Variants in MGAT5 observed in about 807,000 individuals in gnomAD.
MGAT5 encodes the protein alpha-1,6-mannosylglycoprotein 6-beta-N-acetylglucosaminyltransferase A.
In MGAT5, 30 loss-of-function variants were observed where a neutral mutation model predicts 94.3. That is an observed-to-expected ratio of 0.32 (90% CI 0.24 to 0.43). The LOEUF (loss-of-function observed/expected upper bound fraction) is 0.43. Ranked by LOEUF, MGAT5 falls within the 20% of genes least tolerant of loss-of-function variation. The pLI is 1.00. For synonymous variants in MGAT5, 310 were observed against 322.9 expected (o/e 0.96, Z 0.43); for missense variants, 691 against 905.5 (o/e 0.76, Z 3.04).
At position 134,449,072 on chromosome 2, in the gene MGAT5, C is replaced by T. The variant is rs1191117903; in HGVS notation, c.*225C>T. The T allele has an allele frequency of 1.8e-6, 1 of 566,970 alleles. No homozygotes were observed. Among genetic ancestry groups the T allele is most frequent in the Non-Finnish European group, 3.2e-6 (1 of 317,098 alleles). 35.1% of individuals were successfully genotyped at this position (566,970 alleles called of 1,614,324 possible). ...GTCAGGCCAGGAGCCTGGCTTGTCC[C>T]TGGCACAACATCATTTCTGTTTCTC... On this transcript the variant is annotated 3_prime_UTR_variant, in exon 16 of 16. Transcript: ENST00000281923.
chr2:134,187,675 TATGTCCCGAG>T (rs1342454474), intron 1 of MGAT5, among the ~76,000 whole-genome samples: 5 of 152,242 alleles, frequency 3.3e-5, no homozygotes, highest in African/African-American at 7.2e-5. Flanking sequence ...ACTTTGTTGC[TATGTCCCGAG>T]TGTCTAGAAT....
chr2:134,188,560 A>C (rs1689160727), intron 1 of MGAT5, among the ~76,000 whole-genome samples: 1 of 152,244 alleles, frequency 6.6e-6, no homozygotes, highest in Non-Finnish European at 1.5e-5. Flanking sequence ...AAAAGGAAGA[A>C]GATTGTTGGT....
chr2:134,276,902 C>T (rs1417938120), intron 2 of MGAT5, among the ~76,000 whole-genome samples: 4 of 152,066 alleles, frequency 2.6e-5, no homozygotes, highest in African/African-American at 9.7e-5. Flanking sequence ...ACGGACAGAC[C>T]GTGGGACAGG....
chr2:134,139,504 C>G (rs565006774), intron 1 of MGAT5, among the ~76,000 whole-genome samples: 1 of 152,278 alleles, frequency 6.6e-6, no homozygotes, highest in African/African-American at 2.4e-5. Context: ...TTGTGACAAG[C>G]CTTTGTACCT....
chr2:134,308,740 T>A (rs1449728799), intron 2 of MGAT5, among the ~76,000 whole-genome samples: 1 of 152,190 alleles, frequency 6.6e-6, no homozygotes, highest in African/African-American at 2.4e-5. Context: ...AGTGTTTGAT[T>A]TGAGGCTTTT....
At chr2:134,209,294 G>T (rs1466464601) in intron 1 of MGAT5, among the ~76,000 whole-genome samples, 1 of 48,158 alleles carries the variant, frequency 2.1e-5, no homozygotes, top group Non-Finnish European at 3.1e-5. Flanking sequence ...ACCCACTAAC[G>T]TGTCATCTAG....
chr2:134,440,231 A>G (rs1187449076), intron 14 of MGAT5, among the ~76,000 whole-genome samples: 1 of 152,158 alleles, frequency 6.6e-6, no homozygotes, highest in African/African-American at 2.4e-5. Context: ...ATCCTATCAC[A>G]TGCTACTTAG....
intron 1 of MGAT5, among the ~76,000 whole-genome samples, chr2:134,131,157 G>C (rs1482929990): frequency 6.6e-6 from 1 of 152,218 alleles, no homozygotes; most frequent in East Asian, 1.9e-4. Flanking sequence ...AGGCCAGCGA[G>C]CTCACAAACC....
intron 10 of MGAT5, among the ~76,000 whole-genome samples, chr2:134,379,753 G>C (rs1573964646): frequency 6.6e-6 from 1 of 152,212 alleles, no homozygotes; most frequent in Non-Finnish European, 1.5e-5. Context: ...AAATGTGAAC[G>C]TTTGGATGGA....
At position 134,288,515 on chromosome 2, in the gene MGAT5, T is replaced by TA. The variant is rs879623551; in HGVS notation, c.406+17981dup. ...CTAGAATATTTACCATCTAGCTCTT[T>TA]AAAAAAAAAAAAAAAATTCAACCCC... is the stretch of plus-strand genomic sequence containing the variant. On this transcript the variant is annotated intron_variant, in intron 2 of 15. Coordinates refer to ENST00000281923, the MANE Select transcript of MGAT5 (RefSeq NM_002410.5). Among the ~76,000 whole-genome samples the TA allele has an allele frequency of 1.8e-3, 263 of 143,310 alleles. 1 individual carries two copies. The highest frequency in any genetic ancestry group is 3.6e-3 in the Middle Eastern group (1 of 278). The allele number at this position is 143,310 out of a possible 152,430, so 94.0% of individuals were successfully genotyped here. A position where few individuals can be genotyped will look rare whatever the true frequency, so the allele number is the denominator to read the frequency against.
intron 1 of MGAT5, among the ~76,000 whole-genome samples, chr2:134,158,695 G>C (rs141972019): frequency 6.6e-6 from 1 of 152,174 alleles, no homozygotes; most frequent in Non-Finnish European, 1.5e-5. Flanking sequence ...CCCGTCTCCC[G>C]CTGGCTGCCC....
chr2:134,403,500 C>A (rs919223842), intron 11 of MGAT5, among the ~76,000 whole-genome samples: 5 of 152,172 alleles, frequency 3.3e-5, no homozygotes, highest in Non-Finnish European at 5.9e-5. Flanking sequence ...TTCCCCCAAC[C>A]CAATCATCAC....
chr2:134,130,634 AG>A (rs900682680), intron 1 of MGAT5, among the ~76,000 whole-genome samples: 1 of 151,722 alleles, frequency 6.6e-6, no homozygotes, highest in African/African-American at 2.4e-5. Context: ...GTCTAGCTAG[AG>A]GGTTGTAAAT....
intron 10 of MGAT5, among the ~76,000 whole-genome samples, chr2:134,366,724 G>C (rs1406601462): frequency 6.6e-6 from 1 of 152,234 alleles, no homozygotes; most frequent in East Asian, 1.9e-4. Flanking sequence ...TTTCTCACAA[G>C]CATCCAGGTG....
intron 1 of MGAT5, among the ~76,000 whole-genome samples, chr2:134,230,827 C>CACAA (rs34441934): frequency 1.6e-4 from 2 of 12,596 alleles, no homozygotes; most frequent in Non-Finnish European, 4.2e-4. Flanking sequence ...GGAATGAAAA[C>CACAA]ACACACACAC....
intron 11 of MGAT5, among the ~76,000 whole-genome samples, chr2:134,404,917 G>A (rs1455541586): frequency 2.6e-5 from 4 of 152,118 alleles, no homozygotes; most frequent in Non-Finnish European, 5.9e-5. Context: ...CCCTTTAATG[G>A]CAGTGCTGTT....
At chr2:134,411,268 C>A (rs1683640305) in intron 11 of MGAT5, among the ~76,000 whole-genome samples, 1 of 152,078 alleles carries the variant, frequency 6.6e-6, no homozygotes, top group African/African-American at 2.4e-5. Flanking sequence ...TCCCTTTATC[C>A]TACAGCTTCC....
chr2:134,275,852 T>C (rs573645140), intron 2 of MGAT5, among the ~76,000 whole-genome samples: 5 of 152,038 alleles, frequency 3.3e-5, no homozygotes, highest in Non-Finnish European at 7.4e-5. Context: ...CCTCCCAAAG[T>C]GCTGGGATTA....
intron 10 of MGAT5, among the ~76,000 whole-genome samples, chr2:134,395,613 C>T (rs1451607588): frequency 6.6e-6 from 1 of 152,192 alleles, no homozygotes; most frequent in Non-Finnish European, 1.5e-5. Context: ...CAGCACTGTA[C>T]ATGTAATAGT....
Sources: allele counts gnomAD v4.1 joint callset (sites outside exome capture counted in the v4.1 genomes callset), GRCh38; gene constraint gnomAD v4.1.1; transcripts MANE v1.5; gene names NCBI Gene and HGNC (gene_info 2026-07-23, HGNC 2026-07-21).